RGS6: variants seen among roughly 807,000 people sequenced by gnomAD.
RGS6 encodes the protein regulator of G-protein signaling 6.
In RGS6, 30 loss-of-function variants were observed where a neutral mutation model predicts 78.5. The ratio of observed to expected loss-of-function variants is 0.38; its 90% CI spans 0.29 to 0.52. RGS6 has a LOEUF of 0.52. Among genes scored for constraint, RGS6 ranks in the 20% least tolerant of loss-of-function variants. The pLI is 0.85. For missense variants in RGS6, 495 were observed against 609.7 expected, an observed-to-expected ratio of 0.81 and a Z score of 1.98; for synonymous variants, 206 against 206.0, an observed-to-expected ratio of 1.00 and a Z score of 0.00.
At chr14:71,970,482 C>T (rs145713728) in intron 2 of RGS6, among the ~76,000 whole-genome samples, 25 of 152,252 alleles carry the variant, frequency 1.6e-4, no homozygotes, top group African/African-American at 5.8e-4. Flanking sequence ...ATTTTAGTTA[C>T]ATTGGCTGTG....
chr14:71,942,137 A>G (rs904376639), intron 1 of RGS6, among the ~76,000 whole-genome samples: 3 of 152,244 alleles, frequency 2.0e-5, no homozygotes, highest in Non-Finnish European at 2.9e-5. Flanking sequence ...AATAAGAGTT[A>G]TAATCATTCA....
At chr14:72,385,823 T>C (rs562308933) in intron 3 of RGS6, among the ~76,000 whole-genome samples, 1 of 152,218 alleles carries the variant, frequency 6.6e-6, no homozygotes, top group South Asian at 2.1e-4. Flanking sequence ...GGCAAAACTT[T>C]TTCTGAACTG....
intron 2 of RGS6, among the ~76,000 whole-genome samples, chr14:72,190,499 G>T (rs1399105759): frequency 1.3e-5 from 2 of 152,152 alleles, no homozygotes; most frequent in Non-Finnish European, 2.9e-5. Context: ...AGGCCCATTG[G>T]TGGCTACTTA....
intron 2 of RGS6, among the ~76,000 whole-genome samples, chr14:72,107,658 T>C (rs2095661904): frequency 6.6e-6 from 1 of 152,186 alleles, no homozygotes; most frequent in South Asian, 2.1e-4. Flanking sequence ...TATATGTATT[T>C]AAATATATTT....
At chr14:72,488,899 C>A (rs1018713235) in intron 12 of RGS6, among the ~76,000 whole-genome samples, 1 of 152,198 alleles carries the variant, frequency 6.6e-6, no homozygotes, top group Non-Finnish European at 1.5e-5. Flanking sequence ...CTGATAAAAA[C>A]CCCAGCCTGT....
intron 3 of RGS6, among the ~76,000 whole-genome samples, chr14:72,379,469 G>A (rs776350889): frequency 6.6e-6 from 1 of 152,078 alleles, no homozygotes; most frequent in Non-Finnish European, 1.5e-5. Flanking sequence ...ACTGATAAGT[G>A]AATTCAGTAA....
chr14:72,463,736 A>T (rs2095838638), intron 6 of RGS6, among the ~76,000 whole-genome samples: 1 of 152,228 alleles, frequency 6.6e-6, no homozygotes, highest in Admixed American at 6.5e-5. Flanking sequence ...AAAGGTAATC[A>T]TGACCTGGCC....
Position 72,562,398 on chromosome 14 carries a change from T to C in RGS6, c.1423-19T>C. 1 of 1,611,416 alleles carries C rather than the reference T, an allele frequency of 6.2e-7. No homozygotes were observed. The highest frequency in any genetic ancestry group is 8.5e-7 in the Non-Finnish European group (1 of 1,179,554). On this transcript the variant is annotated intron_variant, in intron 17 of 17. Coordinates refer to ENST00000553525, the MANE Select transcript of RGS6 (RefSeq NM_001204424.2). ...GTGTGTGCGCCTGTGCGTGCCTCTC[T>C]GTCGCTGTCTCTCTGCAGGGAAAGT...
chr14:72,469,857 A>C, intron 7 of RGS6, 150 bp from the exon 8 acceptor site: 1 of 630,958 alleles, frequency 1.6e-6, no homozygotes, highest in South Asian at 1.9e-5. Flanking sequence ...GCGCAAAGTC[A>C]AATGGGATAC....
At chr14:72,519,737 T>C (rs2097006303) in intron 15 of RGS6, among the ~76,000 whole-genome samples, 1 of 152,222 alleles carries the variant, frequency 6.6e-6, no homozygotes, top group South Asian at 2.1e-4. Context: ...TTTTTGCTTA[T>C]GTGTATGTAC....
chr14:72,001,444 A>T lies in RGS6; in HGVS notation c.84+36569A>T, dbSNP rs1201874139. 2.6e-5 allele frequency among the ~76,000 whole-genome samples: 4 copies of T among 151,392 alleles called. No homozygotes were observed. The East Asian group carries it at 7.8e-4, about 29-fold the overall frequency. On this transcript the variant is annotated intron_variant, in intron 2 of 17. Transcript: ENST00000553525. Reference sequence around the variant, plus strand: ...CAAAAGGAACTGAGTATTTTATATCAATGCTTTCTAAGATAAATAAAAACA... The same window carrying T: ...CAAAAGGAACTGAGTATTTTATATCTATGCTTTCTAAGATAAATAAAAACA...
intron 17 of RGS6, among the ~76,000 whole-genome samples, chr14:72,555,802 T>A (rs549231022): frequency 3.6e-4 from 55 of 152,222 alleles, no homozygotes; most frequent in Admixed American, 1.4e-3. Flanking sequence ...TGCGGGTGCT[T>A]GTAAAATGCC....
At chr14:72,462,152 C>T (rs1457900484) in intron 6 of RGS6, among the ~76,000 whole-genome samples, 1 of 152,166 alleles carries the variant, frequency 6.6e-6, no homozygotes, top group Admixed American at 6.5e-5. Context: ...CCTACTCTGT[C>T]AAATTCTATG....
intron 1 of RGS6, among the ~76,000 whole-genome samples, chr14:71,953,971 T>TTTTG (rs1555399198): frequency 7.0e-6 from 1 of 142,402 alleles, no homozygotes; most frequent in Non-Finnish European, 1.5e-5. Context: ...AAGTGGGCGT[T>TTTTG]TTTTTTTTTT....
chr14:72,090,188 C>G (rs2095219786), intron 2 of RGS6, among the ~76,000 whole-genome samples: 1 of 150,830 alleles, frequency 6.6e-6, no homozygotes, highest in Admixed American at 6.6e-5. Flanking sequence ...TCTTAAAATG[C>G]CTTTGTAGTT....
chr14:71,874,643 C>T, the RGS6 span, among the ~76,000 whole-genome samples: 1 of 152,146 alleles, frequency 6.6e-6, no homozygotes, highest in African/African-American at 2.4e-5. Flanking sequence ...TTTCTTTCTC[C>T]TGCCTGATTG....
rs11287556 is a variant in RGS6 at position 72,259,910 on chromosome 14, C to CAAAAA, written c.85-92168_85-92164dup. On this transcript the variant is annotated intron_variant, in intron 2 of 17. Coordinates refer to ENST00000553525, the MANE Select transcript of RGS6 (RefSeq NM_001204424.2). ...TGGGTGACAGAGTGAGACTCCGTCT[C>CAAAAA]AAAAAAAAAAAAAAAAAAAAAGCTT... is the stretch of plus-strand genomic sequence containing the variant. Among the ~76,000 whole-genome samples the CAAAAA allele has an allele frequency of 3.9e-4, 27 of 68,384 alleles. 2 individuals are homozygous for CAAAAA. The highest frequency in any genetic ancestry group is 1.4e-3 in the African/African-American group (16 of 11,128). 44.9% of individuals were successfully genotyped at this position (68,384 alleles called of 152,430 possible).
At chr14:72,275,966 C>T (rs754723293) in intron 2 of RGS6, among the ~76,000 whole-genome samples, 1 of 152,132 alleles carries the variant, frequency 6.6e-6, no homozygotes, top group South Asian at 2.1e-4. Flanking sequence ...CCTCTCTATC[C>T]CATGAGACTT....
intron 2 of RGS6, among the ~76,000 whole-genome samples, chr14:72,111,096 G>T (rs2095751587): frequency 6.6e-6 from 1 of 152,090 alleles, no homozygotes. Flanking sequence ...GACCACCTTG[G>T]CTGACAGCTC....
Sources: allele counts gnomAD v4.1 joint callset (sites outside exome capture counted in the v4.1 genomes callset), GRCh38; gene constraint gnomAD v4.1.1; transcripts MANE v1.5; gene names NCBI Gene and HGNC (gene_info 2026-07-23, HGNC 2026-07-21).